PTPRM: variants seen among roughly 807,000 people sequenced by gnomAD.
PTPRM encodes protein tyrosine phosphatase receptor type M.
PTPRM carries 47 observed loss-of-function variants against 186.7 expected under a neutral mutation model. The observed-to-expected ratio is 0.25, with a 90% CI of 0.20 to 0.32. The LOEUF (loss-of-function observed/expected upper bound fraction) is 0.32. Among genes scored for constraint, PTPRM ranks in the 10% least tolerant of loss-of-function variants. The pLI, the probability that PTPRM is intolerant of heterozygous loss-of-function variation, is 1.00. For missense variants in PTPRM, 1,494 were observed against 1,865.0 expected (o/e 0.80, Z 3.66); for synonymous variants, 668 against 674.9 (o/e 0.99, Z 0.16).
chr18:7,681,857 G>T (rs1448674627), intron 1 of PTPRM, among the ~76,000 whole-genome samples: 2 of 152,126 alleles, frequency 1.3e-5, no homozygotes, highest in Non-Finnish European at 2.9e-5. Context: ...AAGGAGAGGG[G>T]CCCCTGGAAG....
Position 7,567,879 on chromosome 18 carries a change from G to A in PTPRM, c.61G>A (p.Glu21Lys). 6.4e-7 allele frequency: 1 copy of A among 1,560,912 alleles called. No individual in the cohort carries two copies. Among genetic ancestry groups the A allele is most frequent in the Non-Finnish European group, 8.6e-7 (1 of 1,158,016 alleles). ...LAGLLLTAAGETFSGGCLFDE... is the reference protein window; with the variant it reads ...LAGLLLTAAGKTFSGGCLFDE... ...CGGACTTTTGCTAACTGCGGCGGGC[G>A]AGACGTTCTCAGGTAAGCGGGACCG... The change falls in exon 1 of 33, where the codon GAG becomes AAG. Residue 21 changes from glutamate to lysine, a missense_variant. Transcript: ENST00000580170. The surrounding 1 kb of genome is among the most constrained non-coding windows in gnomAD (Gnocchi z 4.3).
intron 14 of PTPRM, among the ~76,000 whole-genome samples, chr18:8,210,759 G>A (rs968626834): frequency 5.9e-5 from 9 of 152,200 alleles, no homozygotes; most frequent in Non-Finnish European, 1.2e-4. Flanking sequence ...TTCTGAAGGT[G>A]TATAGACAGT....
At chr18:7,611,538 G>A (rs559782448) in intron 1 of PTPRM, among the ~76,000 whole-genome samples, 1 of 152,298 alleles carries the variant, frequency 6.6e-6, no homozygotes, top group African/African-American at 2.4e-5. Flanking sequence ...TGCTGTACAG[G>A]TGTATAGTCT....
intron 1 of PTPRM, among the ~76,000 whole-genome samples, chr18:7,705,306 T>G (rs2040056930): frequency 6.6e-6 from 1 of 151,706 alleles, no homozygotes; most frequent in South Asian, 2.1e-4. Context: ...TATCTATCTA[T>G]CTATCTATCT....
intron 1 of PTPRM, among the ~76,000 whole-genome samples, chr18:7,622,180 C>T (rs191824855): frequency 2.0e-5 from 3 of 152,202 alleles, no homozygotes; most frequent in Admixed American, 2.0e-4. Context: ...GAAGAATATT[C>T]TAAAAATTGA....
At chr18:8,209,849 A>G (rs1473662296) in intron 14 of PTPRM, among the ~76,000 whole-genome samples, 1 of 151,934 alleles carries the variant, frequency 6.6e-6, no homozygotes, top group Non-Finnish European at 1.5e-5. Context: ...GAGGGAGAGC[A>G]TTAGGACAAA....
At chr18:8,086,999 A>G (rs1196061567) in intron 10 of PTPRM, among the ~76,000 whole-genome samples, 3 of 152,112 alleles carry the variant, frequency 2.0e-5, no homozygotes, top group African/African-American at 7.2e-5. Flanking sequence ...GAAAACTGAC[A>G]CAGATTGAAG....
At chr18:8,231,225 G>T (rs1232568123) in intron 14 of PTPRM, among the ~76,000 whole-genome samples, 1 of 152,170 alleles carries the variant, frequency 6.6e-6, no homozygotes, top group African/African-American at 2.4e-5. Context: ...GAGGGTGGGG[G>T]TAATCAGGCT....
intron 13 of PTPRM, among the ~76,000 whole-genome samples, chr18:8,133,793 A>C (rs2092571771): frequency 6.6e-6 from 1 of 152,094 alleles, no homozygotes; most frequent in Admixed American, 6.6e-5. Context: ...ATCATTTAGA[A>C]GCTCTTGGAT....
chr18:8,098,761 AC>A (rs1309987607), intron 11 of PTPRM, among the ~76,000 whole-genome samples: 1 of 151,230 alleles, frequency 6.6e-6, no homozygotes, highest in Non-Finnish European at 1.5e-5. Context: ...CAGTGATGAC[AC>A]CCCCTCCCCT....
At chr18:8,379,107 C>A in intron 27 of PTPRM, 60 bp from the exon 28 acceptor site, 1 of 1,439,822 alleles carries the variant, frequency 6.9e-7, no homozygotes, top group Non-Finnish European at 9.4e-7. Context: ...GAAAACTGCA[C>A]GTGAGAGGAG....
intron 1 of PTPRM, among the ~76,000 whole-genome samples, chr18:7,740,452 G>A (rs1598473075): frequency 1.3e-5 from 2 of 152,066 alleles, no homozygotes; most frequent in African/African-American, 2.4e-5. Context: ...ATGGGATCTC[G>A]CTCTGTCACA....
rs2095715599 is a variant in PTPRM, at chr18:8,379,185, C to A, written c.3631C>A (p.Pro1211Thr). The change falls in exon 28 of 33, where the codon CCA becomes ACA. Residue 1211 changes from proline (P) to threonine (T), a missense_variant. This residue lies in a region of PTPRM where 1,107 missense variants were observed against 1,350.2 expected (regional missense o/e 0.82). Coordinates refer to ENST00000580170, the MANE Select transcript of PTPRM (RefSeq NM_001105244.2). ...EEFRTLNMVT[P>T]TLRVEDCSIA... Reference sequence around the variant, plus strand: ...CACGCAGACGCTAAACATGGTGACACCAACGCTGCGAGTAGAGGACTGCAG... The same window carrying A: ...CACGCAGACGCTAAACATGGTGACAACAACGCTGCGAGTAGAGGACTGCAG... 1 of 1,608,548 alleles carries A rather than the reference C, an allele frequency of 6.2e-7. No homozygotes were observed. Among genetic ancestry groups the A allele is most frequent in the African/African-American group, 1.3e-5 (1 of 74,680 alleles).
At chr18:8,126,705 T>A (rs922942331) in intron 13 of PTPRM, among the ~76,000 whole-genome samples, 1 of 152,168 alleles carries the variant, frequency 6.6e-6, no homozygotes, top group East Asian at 1.9e-4. Context: ...ATTTGTAAGA[T>A]GAAGATATAA....
intron 12 of PTPRM, among the ~76,000 whole-genome samples, 187 bp downstream of exon 12, chr18:8,113,946 C>CTTTT (rs35576891): frequency 0.22 from 32,197 of 146,474 alleles, 3,586 homozygotes; most frequent in Middle Eastern, 0.37. Context: ...ATATACTCAT[C>CTTTT]TTTTTTTTTT....
At chr18:7,928,459 G>A (rs1002564551) in intron 5 of PTPRM, among the ~76,000 whole-genome samples, 2 of 151,978 alleles carry the variant, frequency 1.3e-5, no homozygotes, top group African/African-American at 4.8e-5. Flanking sequence ...TCAGATAATG[G>A]CTATTTGGTA....
chr18:8,123,069 A>G (rs926633126), intron 13 of PTPRM, among the ~76,000 whole-genome samples: 5 of 152,230 alleles, frequency 3.3e-5, no homozygotes, highest in African/African-American at 9.6e-5. Context: ...ACATCTCTAT[A>G]CATTCATATA....
At chr18:8,012,116 G>A (rs1380380996) in intron 7 of PTPRM, among the ~76,000 whole-genome samples, 1 of 152,144 alleles carries the variant, frequency 6.6e-6, no homozygotes. Flanking sequence ...CGCCACTGGG[G>A]GGCATTGACC....
chr18:8,387,309 C>T, intron 31 of PTPRM, 74 bp downstream of exon 31: 2 of 1,427,690 alleles, frequency 1.4e-6, no homozygotes, highest in Non-Finnish European at 1.9e-6. Flanking sequence ...AGTTCTCTGA[C>T]TTTTGTTTCA....
Sources: allele counts gnomAD v4.1 joint callset (sites outside exome capture counted in the v4.1 genomes callset), GRCh38; gene constraint gnomAD v4.1.1; regional missense constraint gnomAD v4.1.1; non-coding constraint Gnocchi (gnomAD v3.1); transcripts MANE v1.5; gene names NCBI Gene and HGNC (gene_info 2026-07-23, HGNC 2026-07-21).